Variants in EXOC2 observed in about 807,000 individuals in gnomAD.
The protein encoded by EXOC2 is exocyst complex component 2.
EXOC2 carries 70 observed loss-of-function variants against 131.8 expected under a neutral mutation model. The observed-to-expected ratio is 0.53, with a 90% CI of 0.44 to 0.65. The LOEUF (loss-of-function observed/expected upper bound fraction) is 0.65, where lower values mean the gene tolerates loss of function less well. EXOC2 is among the 30% of genes least tolerant of loss of function. EXOC2 has a pLI of 0.00. For synonymous variants in EXOC2, 411 were observed against 398.4 expected, an observed-to-expected ratio of 1.03 and a Z score of -0.38; for missense variants, 923 against 1,108.6, an observed-to-expected ratio of 0.83 and a Z score of 2.38.
In EXOC2 at chr6:671,230, T is replaced by C. The variant is rs1434542468; in HGVS notation, c.-44+21789A>G. ...AAACTAGCCAGGCTTGGTGATGCAC[T>C]CCTGTAGTCCCAGCTACCTGGGAGG... On this transcript the variant is annotated intron_variant, in intron 1 of 27. Transcript: ENST00000230449. Among the ~76,000 whole-genome samples the C allele has an allele frequency of 2.0e-5, 3 of 149,832 alleles. No homozygotes were observed. The East Asian group carries it at 5.9e-4, about 30-fold the overall frequency.
chr6:632,726 T>A (rs777945873), intron 3 of EXOC2, among the ~76,000 whole-genome samples: 11 of 152,176 alleles, frequency 7.2e-5, no homozygotes, highest in African/African-American at 1.4e-4. Flanking sequence ...ACGACCGTCA[T>A]CCTTAGGCTT....
intron 12 of EXOC2, among the ~76,000 whole-genome samples, chr6:574,103 C>T (rs553856731): frequency 5.9e-5 from 9 of 152,160 alleles, no homozygotes; most frequent in African/African-American, 1.4e-4. Context: ...ACATTTTTGA[C>T]GTATCGTAAT....
At chr6:558,500 T>C (rs1757537480) in intron 17 of EXOC2, among the ~76,000 whole-genome samples, 1 of 152,180 alleles carries the variant, frequency 6.6e-6, no homozygotes, top group Admixed American at 6.5e-5. Context: ...AATCTGAAAT[T>C]CAACCGTGGG....
chr6:624,933 G>A (rs991723951), intron 4 of EXOC2, among the ~76,000 whole-genome samples: 12 of 152,164 alleles, frequency 7.9e-5, no homozygotes, highest in Admixed American at 4.6e-4. Flanking sequence ...TTCAAACCAA[G>A]CCTGCATTTT....
intron 13 of EXOC2, among the ~76,000 whole-genome samples, chr6:571,767 G>C (rs1443536333): frequency 6.6e-6 from 1 of 151,664 alleles, no homozygotes; most frequent in Non-Finnish European, 1.5e-5. Context: ...CTCCTGCAGA[G>C]ACACGAAACA....
chr6:617,912 C>T, intron 5 of EXOC2, 77 bp from the exon 6 acceptor site: 1 of 1,512,568 alleles, frequency 6.6e-7, no homozygotes, highest in South Asian at 1.3e-5. Context: ...CAGTGGAGAA[C>T]ACTAAATATG....
rs745795980 is a variant in EXOC2 at position 598,536 on chromosome 6, G to A, written c.970+324C>T. 4.9e-4 allele frequency among the ~76,000 whole-genome samples: 74 copies of A among 152,226 alleles called. 1 individual carries two copies. The highest frequency in any genetic ancestry group is 1.0e-3 in the Admixed American group (16 of 15,290). On this transcript the variant is annotated intron_variant, in intron 9 of 27. Coordinates refer to ENST00000230449, the MANE Select transcript of EXOC2 (RefSeq NM_018303.6). ...TCAGTCTATGGGTCTCTCTGAAGACGGGAAGATTAAAATGTAGGTTTCCAT... is the reference window on the plus strand; with the variant it reads ...TCAGTCTATGGGTCTCTCTGAAGACAGGAAGATTAAAATGTAGGTTTCCAT...
intron 6 of EXOC2, 23 bp from the exon 7 acceptor site, chr6:610,201 A>T: frequency 6.3e-7 from 1 of 1,594,416 alleles, no homozygotes; most frequent in Non-Finnish European, 8.6e-7. Context: ...ATCTAGTTAA[A>T]ATGTAGGCCA....
intron 1 of EXOC2, among the ~76,000 whole-genome samples, chr6:664,772 T>G (rs943275793): frequency 1.3e-4 from 20 of 152,306 alleles, no homozygotes; most frequent in African/African-American, 4.6e-4. Flanking sequence ...GTCTCTCACC[T>G]TATACAAAAA....
intron 11 of EXOC2, among the ~76,000 whole-genome samples, chr6:581,354 T>G (rs1421092679): frequency 6.6e-6 from 1 of 152,088 alleles, no homozygotes; most frequent in Non-Finnish European, 1.5e-5. Flanking sequence ...ATATTTGTTA[T>G]GGACTTCAGC....
chr6:560,962 C>A (rs1757669205), intron 17 of EXOC2, among the ~76,000 whole-genome samples: 2 of 151,984 alleles, frequency 1.3e-5, no homozygotes, highest in African/African-American at 4.8e-5. Flanking sequence ...CCCGCCTGAG[C>A]CTCTCAAAGT....
chr6:638,223 A>C (rs1013467506), intron 1 of EXOC2, among the ~76,000 whole-genome samples: 1 of 152,236 alleles, frequency 6.6e-6, no homozygotes, highest in African/African-American at 2.4e-5. Context: ...GGGCTGTTTA[A>C]AGGAGATATT....
intron 11 of EXOC2, among the ~76,000 whole-genome samples, chr6:583,162 A>G (rs761316646): frequency 2.0e-5 from 3 of 152,202 alleles, no homozygotes; most frequent in Non-Finnish European, 2.9e-5. Flanking sequence ...AGAACATATA[A>G]AGGAATTACA....
chr6:645,939 C>A (rs1048223091), intron 1 of EXOC2, among the ~76,000 whole-genome samples: 14 of 152,184 alleles, frequency 9.2e-5, no homozygotes, highest in African/African-American at 3.1e-4. Flanking sequence ...TGAAGCAGTG[C>A]CCACTGTCCA....
At chr6:583,656 T>C (rs1035052559) in intron 11 of EXOC2, among the ~76,000 whole-genome samples, 1 of 152,238 alleles carries the variant, frequency 6.6e-6, no homozygotes, top group African/African-American at 2.4e-5. Context: ...ATCTACTTTC[T>C]CACTGTGTGC....
In EXOC2 at chr6:506,090, C is replaced by A. The variant is rs9502197; in HGVS notation, c.2381-6390G>T. On this transcript the variant is annotated intron_variant, in intron 23 of 27. Coordinates refer to ENST00000230449, the MANE Select transcript of EXOC2 (RefSeq NM_018303.6). The surrounding 1 kb of genome is among the most constrained non-coding windows in gnomAD (Gnocchi z 4.4). ...TCTCTCGCTTCTCACAAAGACAGTC[C>A]TTTTGAGCATCAGGATCCATTTGAA... 1.3e-5 allele frequency among the ~76,000 whole-genome samples: 2 copies of A among 152,292 alleles called. No homozygotes were observed. The highest frequency in any genetic ancestry group is 4.8e-5 in the African/African-American group (2 of 41,560).
At chr6:523,744 T>A (rs1463037737) in intron 23 of EXOC2, among the ~76,000 whole-genome samples, 1 of 152,184 alleles carries the variant, frequency 6.6e-6, no homozygotes, top group Non-Finnish European at 1.5e-5. Context: ...AGTGCAGTGG[T>A]GCAATCATAG....
intron 23 of EXOC2, among the ~76,000 whole-genome samples, chr6:517,567 AATT>A (rs1407113143): frequency 2.0e-5 from 3 of 152,124 alleles, no homozygotes; most frequent in East Asian, 1.9e-4. Context: ...TCCAGCTAAC[AATT>A]ATTATTTTCA....
chr6:487,641 G>A (rs935505745), intron 27 of EXOC2, among the ~76,000 whole-genome samples: 3 of 152,074 alleles, frequency 2.0e-5, no homozygotes, highest in East Asian at 1.9e-4. Flanking sequence ...TCCTGAAGTC[G>A]TGATCCGCCC....
Sources: allele counts gnomAD v4.1 joint callset (sites outside exome capture counted in the v4.1 genomes callset), GRCh38; gene constraint gnomAD v4.1.1; non-coding constraint Gnocchi (gnomAD v3.1); transcripts MANE v1.5; gene names NCBI Gene and HGNC (gene_info 2026-07-23, HGNC 2026-07-21).